Variants in HDX observed in about 807,000 individuals in gnomAD.
HDX encodes highly divergent homeobox.
A neutral mutation model predicts 45.2 loss-of-function variants in HDX; 19 were observed. The observed-to-expected ratio is 0.42, with a 90% CI of 0.29 to 0.62. The LOEUF (loss-of-function observed/expected upper bound fraction) is 0.62. Among genes scored for constraint, HDX ranks in the 20% least tolerant of loss-of-function variants. HDX has a pLI of 0.20. For synonymous variants in HDX, 188 were observed against 172.8 expected (o/e 1.09, Z -0.69); for missense variants, 532 against 493.9 (o/e 1.08, Z -0.73).
intron 4 of HDX, among the ~76,000 whole-genome samples, chrX:84,443,815 C>T (rs773226871): frequency 5.8e-4 from 65 of 111,872 alleles, no homozygotes; most frequent in Non-Finnish European, 9.5e-4. Flanking sequence ...TTGACAAAAT[C>T]GAACATTACT....
At position 84,441,100 on chromosome X, in the gene HDX, TAATAA is replaced by T. The variant is rs1182163237; in HGVS notation, c.1252-520_1252-516del. On this transcript the variant is annotated intron_variant, in intron 4 of 10. Coordinates refer to ENST00000373177, the MANE Select transcript of HDX (RefSeq NM_001177479.2). ...TAAATTAGTTAAGAAATGAACATAA[TAATAA>T]AATAAAACAGTTATGACAAAGTACT... Among the ~76,000 whole-genome samples, 386 of 111,045 alleles carry T rather than the reference TAATAA, an allele frequency of 3.5e-3. 3 individuals carry two copies. The highest frequency in any genetic ancestry group is 0.012 in the African/African-American group (374 of 30,686).
chrX:84,490,177 T>C (rs903228767), intron 1 of HDX, among the ~76,000 whole-genome samples: 1 of 111,465 alleles, frequency 9.0e-6, no homozygotes, highest in Admixed American at 9.5e-5. Context: ...CTCTCCTTTT[T>C]TTTTCTCTTA....
chrX:84,479,404 T>A (rs1253578813), intron 2 of HDX, among the ~76,000 whole-genome samples: 1 of 112,125 alleles, frequency 8.9e-6, no homozygotes, highest in Non-Finnish European at 1.9e-5. Flanking sequence ...TGTTCCTTTT[T>A]CTTGTAAAGT....
Position 84,492,943 on chromosome X carries a change from G to A in HDX, c.-109-4811C>T, listed in dbSNP as rs1237499308. On this transcript the variant is annotated intron_variant, in intron 1 of 10. Transcript: ENST00000373177. ...TTTTTTTTTTCTGAGATGGAGCTTC[G>A]CTCTTGTTGCCCAGGCTGAAGTGCA... 9.2e-5 allele frequency among the ~76,000 whole-genome samples: 9 copies of A among 97,697 alleles called. No individual in the cohort carries two copies. The South Asian group carries it at 1.9e-3, about 20-fold the overall frequency. The allele number at this position is 97,697 out of a possible 115,157, so 84.8% of individuals were successfully genotyped here.
At chrX:84,423,548 A>G (rs760372374) in intron 5 of HDX, among the ~76,000 whole-genome samples, 1 of 108,951 alleles carries the variant, frequency 9.2e-6, no homozygotes, top group East Asian at 2.9e-4. Flanking sequence ...GTGAATATTG[A>G]CACAAAAAAT....
At chrX:84,471,307 A>C (rs17304545) in intron 3 of HDX, among the ~76,000 whole-genome samples, 24,101 of 107,430 alleles carry the variant, frequency 0.22, 2,206 homozygotes, top group Non-Finnish European at 0.28. Context: ...CTTGGAACCA[A>C]GGTGTACATA....
At chrX:84,372,052 C>G (rs1371181564) in intron 5 of HDX, among the ~76,000 whole-genome samples, 1 of 111,654 alleles carries the variant, frequency 9.0e-6, no homozygotes, top group Non-Finnish European at 1.9e-5. Context: ...ATTGTTGATA[C>G]AATAAAATAA....
chrX:84,441,328 C>T (rs2039757337), intron 4 of HDX, among the ~76,000 whole-genome samples: 1 of 111,424 alleles, frequency 9.0e-6, no homozygotes. Context: ...CACATTACCT[C>T]TATTTACTTT....
intron 5 of HDX, among the ~76,000 whole-genome samples, chrX:84,413,929 T>C: frequency 9.0e-6 from 1 of 111,486 alleles, no homozygotes; most frequent in Admixed American, 9.6e-5. Context: ...TTGCCTGATT[T>C]AAATGATGAA....
intron 2 of HDX, among the ~76,000 whole-genome samples, chrX:84,484,726 G>A (rs1569372104): frequency 8.9e-6 from 1 of 111,770 alleles, no homozygotes; most frequent in African/African-American, 3.3e-5. Flanking sequence ...ATTTTGACTG[G>A]TGTGAAATGG....
At chrX:84,350,421 G>T (rs2037318938) in intron 6 of HDX, among the ~76,000 whole-genome samples, 1 of 111,258 alleles carries the variant, frequency 9.0e-6, no homozygotes, top group Non-Finnish European at 1.9e-5. Context: ...AGAGAAGGCT[G>T]ATGAAATCTC....
intron 7 of HDX, among the ~76,000 whole-genome samples, chrX:84,338,896 T>C (rs2037024987): frequency 9.0e-6 from 1 of 111,136 alleles, no homozygotes; most frequent in Non-Finnish European, 1.9e-5. Context: ...ATCCCTCTTC[T>C]TCCTGTTCCA....
chrX:84,500,363 C>T (rs2041093460), intron 1 of HDX: 1 of 109,878 alleles, frequency 9.1e-6, no homozygotes, highest in Admixed American at 9.8e-5. Flanking sequence ...CAGTTAGGTG[C>T]TATGGGCAGA....
chrX:84,415,781 C>T (rs145590690), intron 5 of HDX, among the ~76,000 whole-genome samples: 1,631 of 111,906 alleles, frequency 0.015, 26 homozygotes, highest in African/African-American at 0.051. Context: ...AAGTAATTTC[C>T]GCATTTTCTT....
intron 5 of HDX, among the ~76,000 whole-genome samples, chrX:84,422,751 C>A (rs1454660148): frequency 6.2e-5 from 6 of 96,051 alleles, no homozygotes; most frequent in African/African-American, 2.4e-4. Flanking sequence ...TCACTGCAAG[C>A]TCCGCCTCCT....
At chrX:84,484,746 G>A (rs1287702373) in intron 2 of HDX, among the ~76,000 whole-genome samples, 1 of 111,800 alleles carries the variant, frequency 8.9e-6, no homozygotes, top group African/African-American at 3.3e-5. Context: ...GTATCTCATT[G>A]TGGTTTTATT....
chrX:84,365,936 C>A (rs754459414), intron 5 of HDX, among the ~76,000 whole-genome samples: 1 of 111,888 alleles, frequency 8.9e-6, no homozygotes, highest in African/African-American at 3.2e-5. Context: ...AGCAAGGATG[C>A]CCTCTCTCAC....
At chrX:84,438,313 G>C (rs949699362) in intron 5 of HDX, among the ~76,000 whole-genome samples, 12 of 111,188 alleles carry the variant, frequency 1.1e-4, no homozygotes, top group African/African-American at 3.9e-4. Context: ...AGACAATCTT[G>C]GCCAATACTG....
At chrX:84,356,974 T>C (rs2037503189) in intron 6 of HDX, among the ~76,000 whole-genome samples, 1 of 111,346 alleles carries the variant, frequency 9.0e-6, no homozygotes, top group Non-Finnish European at 1.9e-5. Context: ...AAAGAGATTC[T>C]GTCCGTGTCT....
Sources: allele counts gnomAD v4.1 joint callset (sites outside exome capture counted in the v4.1 genomes callset), GRCh38; gene constraint gnomAD v4.1.1; transcripts MANE v1.5; gene names NCBI Gene and HGNC (gene_info 2026-07-23, HGNC 2026-07-21).